The following SEL1L variants were observed in gnomAD, a reference collection of about 807,000 sequenced individuals.
The protein encoded by SEL1L is protein sel-1 homolog 1.
SEL1L carries 52 observed loss-of-function variants against 109.8 expected under a neutral mutation model. The observed-to-expected ratio is 0.47, with a 90% CI of 0.38 to 0.60. SEL1L has a LOEUF of 0.60. Among genes scored for constraint, SEL1L ranks in the 20% least tolerant of loss-of-function variants. SEL1L has a pLI of 0.00. For missense variants in SEL1L, 749 were observed against 962.2 expected, an observed-to-expected ratio of 0.78 and a Z score of 2.93; for synonymous variants, 373 against 339.6, an observed-to-expected ratio of 1.10 and a Z score of -1.08.
intron 15 of SEL1L, 158 bp from the exon 16 acceptor site, chr14:81,487,696 A>G: frequency 1.0e-6 from 1 of 977,942 alleles, no homozygotes; most frequent in East Asian, 1.1e-4. Context: ...AGATTAATAT[A>G]ATTTACAATG....
chr14:81,518,353 G>A (rs1939090627), intron 3 of SEL1L, among the ~76,000 whole-genome samples: 1 of 151,640 alleles, frequency 6.6e-6, no homozygotes, highest in East Asian at 1.9e-4. Flanking sequence ...ACAAATAATA[G>A]GTAAAATGTG....
At chr14:81,530,916 CAGTA>C (rs1487710087) in intron 1 of SEL1L, among the ~76,000 whole-genome samples, 1 of 152,126 alleles carries the variant, frequency 6.6e-6, no homozygotes, top group African/African-American at 2.4e-5. Flanking sequence ...TGTAACATAA[CAGTA>C]AGTATTTGTG....
intron 3 of SEL1L, among the ~76,000 whole-genome samples, chr14:81,509,756 T>G (rs1884387910): frequency 6.6e-6 from 1 of 152,216 alleles, no homozygotes; most frequent in East Asian, 1.9e-4. Flanking sequence ...AGGGGGCATT[T>G]GGTAATATCT....
At chr14:81,510,512 C>CA (rs1884429940) in intron 3 of SEL1L, among the ~76,000 whole-genome samples, 1 of 106,690 alleles carries the variant, frequency 9.4e-6, no homozygotes, top group South Asian at 3.3e-4. Context: ...CTCTCTCTCT[C>CA]TCTATATATA....
intron 10 of SEL1L, among the ~76,000 whole-genome samples, chr14:81,497,430 T>C (rs1883810467): frequency 6.6e-6 from 1 of 152,250 alleles, no homozygotes; most frequent in Non-Finnish European, 1.5e-5. Context: ...TTACTTCTGT[T>C]CTTGACCTTG....
Position 81,472,798 on chromosome 14 carries a change from C to T in SEL1L, c.*4174G>A, listed in dbSNP as rs151186146. The T allele has an allele frequency of 2.1e-4, 43 of 207,078 alleles. No individual in the cohort carries two copies. Among genetic ancestry groups the T allele is most frequent in the Middle Eastern group, 2.1e-3 (1 of 468 alleles). The allele number at this position is 207,078 out of a possible 1,614,324, so 12.8% of individuals were successfully genotyped here. A position where few individuals can be genotyped will look rare whatever the true frequency, so the allele number is the denominator to read the frequency against. ...TAAAATGAAAGATAAATTCAAATTGCCACAAGTGAATGTTTTCAGAAGCTT... is the reference window on the plus strand; with the variant it reads ...TAAAATGAAAGATAAATTCAAATTGTCACAAGTGAATGTTTTCAGAAGCTT... On this transcript the variant is annotated 3_prime_UTR_variant, in exon 21 of 21. Coordinates refer to ENST00000336735, the MANE Select transcript of SEL1L (RefSeq NM_005065.6).
intron 19 of SEL1L, among the ~76,000 whole-genome samples, chr14:81,481,755 G>A (rs190986372): frequency 1.1e-4 from 16 of 152,248 alleles, no homozygotes; most frequent in Admixed American, 5.9e-4. Context: ...TAATGGGACC[G>A]CGTGCAGTGG....
At chr14:81,513,700 C>G (rs186751045) in intron 3 of SEL1L, among the ~76,000 whole-genome samples, 2 of 152,150 alleles carry the variant, frequency 1.3e-5, no homozygotes, top group African/African-American at 4.8e-5. Context: ...GCGACTAGCG[C>G]GGCCGCCGGA....
intron 20 of SEL1L, among the ~76,000 whole-genome samples, chr14:81,477,540 G>C (rs752512196): frequency 1.3e-5 from 2 of 152,084 alleles, no homozygotes; most frequent in Non-Finnish European, 2.9e-5. Context: ...GGCCAGGCGC[G>C]GGGGCTCAGG....
chr14:81,504,761 G>A (rs563551021), intron 4 of SEL1L, among the ~76,000 whole-genome samples: 191 of 152,078 alleles, frequency 1.3e-3, no homozygotes, highest in Admixed American at 4.1e-3. Flanking sequence ...TTCATGAATG[G>A]CTTAGCACCA....
chr14:81,483,812 C>T (rs2139988209), intron 19 of SEL1L, among the ~76,000 whole-genome samples: 1 of 152,234 alleles, frequency 6.6e-6, no homozygotes, highest in East Asian at 1.9e-4. Context: ...AACCTTAAGT[C>T]ATGAGTCCAG....
rs1903569595 is a variant in SEL1L, at chr14:81,487,932, A to G, written c.1406T>C (p.Leu469Pro). ...YGRGVQVNYD[L>P]ALKYFQKAAE... ...AGCTTTCTGGAAATACTTAAGGGCT[A>G]GATCATAATTCTGTAGAAAAAGATG... Residue 469 changes from leucine to proline, a missense_variant, in exon 15 of 21, where the codon CTA (leucine) becomes CCA (proline). Physicochemically the swap from Leu to Pro is moderately conservative, Grantham distance 98. Transcript: ENST00000336735. The G allele has an allele frequency of 6.2e-7, 1 of 1,613,488 alleles. No individual in the cohort carries two copies. Among genetic ancestry groups the G allele is most frequent in the Non-Finnish European group, 8.5e-7 (1 of 1,179,626 alleles).
intron 18 of SEL1L, 50 bp downstream of exon 18, chr14:81,485,622 A>G: frequency 6.9e-7 from 1 of 1,458,580 alleles, no homozygotes; most frequent in Non-Finnish European, 9.6e-7. Flanking sequence ...GAGATAAACA[A>G]CATAGGGAGG....
intron 3 of SEL1L, among the ~76,000 whole-genome samples, chr14:81,510,937 T>G (rs1182340177): frequency 1.3e-5 from 2 of 152,172 alleles, no homozygotes; most frequent in Non-Finnish European, 2.9e-5. Flanking sequence ...TCCCAAGGAC[T>G]ATGAACAAAG....
At chr14:81,477,880 T>C (rs2139977852) in intron 20 of SEL1L, among the ~76,000 whole-genome samples, 1 of 152,290 alleles carries the variant, frequency 6.6e-6, no homozygotes, top group East Asian at 1.9e-4. Flanking sequence ...ACAGCGAACC[T>C]ACTGGCAGTG....
chr14:81,505,253 C>G (rs146560703), intron 4 of SEL1L, among the ~76,000 whole-genome samples: 33 of 152,192 alleles, frequency 2.2e-4, no homozygotes, highest in Non-Finnish European at 3.8e-4. Context: ...TTCAAGTTCA[C>G]CAATTTTTCA....
intron 1 of SEL1L, among the ~76,000 whole-genome samples, chr14:81,530,231 G>C (rs1388675201): frequency 6.6e-6 from 1 of 152,170 alleles, no homozygotes; most frequent in African/African-American, 2.4e-5. Context: ...CCTGTTCTCT[G>C]CTTTAGCTCT....
At chr14:81,525,329 C>T (rs903612805) in intron 3 of SEL1L, among the ~76,000 whole-genome samples, 4 of 151,570 alleles carry the variant, frequency 2.6e-5, no homozygotes, top group Non-Finnish European at 4.4e-5. Flanking sequence ...AGGGAGATCA[C>T]CTGAGTTCAA....
At chr14:81,519,865 T>G (rs1595533055) in intron 3 of SEL1L, among the ~76,000 whole-genome samples, 1 of 152,142 alleles carries the variant, frequency 6.6e-6, no homozygotes, top group Non-Finnish European at 1.5e-5. Context: ...GGGCATAAAC[T>G]GTTATGTTGT....
Sources: gnomAD v4.1 joint callset for allele counts (sites outside exome capture counted in the v4.1 genomes callset) on GRCh38, gnomAD v4.1.1 for gene constraint, MANE v1.5 for transcripts, NCBI Gene and HGNC (gene_info 2026-07-23, HGNC 2026-07-21) for gene names.